The following DLGAP1 variants were observed in gnomAD, a reference collection of about 807,000 sequenced individuals.
The protein encoded by DLGAP1 is DLG associated protein 1.
A neutral mutation model predicts 90.8 loss-of-function variants in DLGAP1; 11 were observed. That is an observed-to-expected ratio of 0.12 (90% CI 0.08 to 0.20). The LOEUF (loss-of-function observed/expected upper bound fraction) is 0.20, where lower values mean the gene tolerates loss of function less well. DLGAP1 is among the 10% of genes least tolerant of loss of function. DLGAP1 has a pLI of 1.00. For synonymous variants in DLGAP1, 558 were observed against 540.7 expected (o/e 1.03, Z -0.44); for missense variants, 1,050 against 1,333.8 (o/e 0.79, Z 3.31).
intron 7 of DLGAP1, among the ~76,000 whole-genome samples, chr18:3,644,197 A>G (rs1487096532): frequency 6.6e-6 from 1 of 152,220 alleles, no homozygotes; most frequent in East Asian, 1.9e-4. Flanking sequence ...TGTGTGGAGC[A>G]GGAATCTCCT....
intron 4 of DLGAP1, among the ~76,000 whole-genome samples, chr18:3,833,501 C>T (rs1223013803): frequency 6.6e-6 from 1 of 152,172 alleles, no homozygotes; most frequent in Non-Finnish European, 1.5e-5. Context: ...TCCCAAAGTG[C>T]TGGGATTACA....
At chr18:4,079,712 AT>A (rs1298128249) in intron 2 of DLGAP1, among the ~76,000 whole-genome samples, 123 of 150,772 alleles carry the variant, frequency 8.2e-4, no homozygotes, top group African/African-American at 3.0e-3. Context: ...ATATATATAT[AT>A]AAAAGAAAAT....
At position 4,335,919 on chromosome 18, in the gene DLGAP1, T is replaced by A. The variant is rs76893951; in HGVS notation, c.-267+119087A>T. On this transcript the variant is annotated intron_variant, in intron 1 of 12. Coordinates refer to ENST00000315677, the MANE Select transcript of DLGAP1 (RefSeq NM_004746.4). ...ATTTAAAGTGTGCATATGAAATACATGCCATGAATTATTTGTGACATTTTT... is the reference window on the plus strand; with the variant it reads ...ATTTAAAGTGTGCATATGAAATACAAGCCATGAATTATTTGTGACATTTTT... Among the ~76,000 whole-genome samples the A allele has an allele frequency of 5.0e-3, 759 of 152,352 alleles. 2 individuals carry two copies. Among genetic ancestry groups the A allele is most frequent in the Non-Finnish European group, 7.9e-3 (535 of 68,036 alleles).
intron 1 of DLGAP1, among the ~76,000 whole-genome samples, chr18:4,403,879 G>T (rs1227981496): frequency 6.6e-6 from 1 of 152,172 alleles, no homozygotes; most frequent in Admixed American, 6.5e-5. Flanking sequence ...ATATCAAGAA[G>T]AAGAATTGGG....
intron 3 of DLGAP1, among the ~76,000 whole-genome samples, chr18:3,905,392 A>AAAAAAAAAAAAAAAAAAAAAAT (rs2071882297): frequency 7.0e-6 from 1 of 143,742 alleles, no homozygotes. Context: ...AAAAAAAAAA[A>AAAAAAAAAAAAAAAAAAAAAAT]GAAAAGAAAT....
chr18:4,249,557 A>G (rs1031512513), intron 1 of DLGAP1, among the ~76,000 whole-genome samples: 1 of 151,842 alleles, frequency 6.6e-6, no homozygotes, highest in Non-Finnish European at 1.5e-5. Context: ...CCGTTCAGTA[A>G]TGATGGATTT....
chr18:3,837,143 G>A (rs558035241), intron 4 of DLGAP1, among the ~76,000 whole-genome samples: 1 of 152,324 alleles, frequency 6.6e-6, no homozygotes, highest in South Asian at 2.1e-4. Flanking sequence ...TTCAAGATGT[G>A]TTTTCTATCT....
intron 2 of DLGAP1, among the ~76,000 whole-genome samples, chr18:4,053,712 C>A (rs1362732118): frequency 6.6e-6 from 1 of 152,102 alleles, no homozygotes; most frequent in African/African-American, 2.4e-5. Context: ...CCTGCAGAAC[C>A]GTGAGCCAAT....
intron 4 of DLGAP1, among the ~76,000 whole-genome samples, chr18:3,858,569 T>C (rs945949326): frequency 4.0e-5 from 6 of 151,492 alleles, no homozygotes; most frequent in Non-Finnish European, 4.4e-5. Flanking sequence ...AAACACCTGA[T>C]TGCAAATGTG....
intron 7 of DLGAP1, among the ~76,000 whole-genome samples, chr18:3,590,683 T>G (rs551956247): frequency 6.6e-6 from 1 of 152,170 alleles, no homozygotes; most frequent in East Asian, 1.9e-4. Flanking sequence ...GGTGAAACCC[T>G]GTCTCTACTA....
chr18:3,623,864 G>A (rs930906243), intron 7 of DLGAP1, among the ~76,000 whole-genome samples: 3 of 151,526 alleles, frequency 2.0e-5, no homozygotes, highest in East Asian at 1.9e-4. Context: ...CATCAGGGCA[G>A]CCTCCAGCCT....
intron 11 of DLGAP1, among the ~76,000 whole-genome samples, chr18:3,504,507 C>G (rs1376527466): frequency 1.3e-5 from 2 of 152,270 alleles, no homozygotes; most frequent in Admixed American, 1.3e-4. Context: ...GCCTCAGCCT[C>G]CTGAGTAACT....
intron 1 of DLGAP1, among the ~76,000 whole-genome samples, chr18:4,442,931 T>C (rs1466809172): frequency 1.3e-5 from 2 of 152,226 alleles, no homozygotes; most frequent in African/African-American, 4.8e-5. Context: ...GCACCTAGAA[T>C]AGTGCTTGGC....
At position 4,124,988 on chromosome 18, in the gene DLGAP1, T is replaced by C. The variant is rs183376808; in HGVS notation, c.-159+26192A>G. Among the ~76,000 whole-genome samples the C allele has an allele frequency of 2.0e-5, 3 of 152,180 alleles. No homozygotes were observed. In the East Asian group the frequency reaches 5.8e-4, roughly 29 times the overall value. Reference sequence around the variant, plus strand: ...TCGAGCATGGCAAGCAAGCATGGGGTCCAGGTTGGTGGGCAAATGTCATAG... The same window carrying C: ...TCGAGCATGGCAAGCAAGCATGGGGCCCAGGTTGGTGGGCAAATGTCATAG... On this transcript the variant is annotated intron_variant, in intron 2 of 12. Coordinates refer to ENST00000315677, the MANE Select transcript of DLGAP1 (RefSeq NM_004746.4).
At chr18:4,266,109 G>T (rs1433667741) in intron 1 of DLGAP1, among the ~76,000 whole-genome samples, 1 of 152,102 alleles carries the variant, frequency 6.6e-6, no homozygotes, top group African/African-American at 2.4e-5. Flanking sequence ...ATACACAAAA[G>T]ATCATTTTGA....
intron 1 of DLGAP1, among the ~76,000 whole-genome samples, chr18:4,176,000 C>G (rs1263446434): frequency 6.6e-6 from 1 of 152,160 alleles, no homozygotes; most frequent in African/African-American, 2.4e-5. Context: ...AGTATTTAAT[C>G]TATAAATTAC....
chr18:3,643,438 C>T (rs764527185), intron 7 of DLGAP1, among the ~76,000 whole-genome samples: 10 of 151,872 alleles, frequency 6.6e-5, no homozygotes, highest in Admixed American at 2.0e-4. Context: ...CAGAGACGGG[C>T]GGATCACGAG....
intron 1 of DLGAP1, among the ~76,000 whole-genome samples, chr18:4,194,758 G>A (rs1260990613): frequency 2.6e-5 from 4 of 152,070 alleles, no homozygotes; most frequent in Admixed American, 2.0e-4. Context: ...ATTTAATAGA[G>A]TCTATAGGTG....
At chr18:3,500,052 C>G (rs2049848709) in intron 12 of DLGAP1, among the ~76,000 whole-genome samples, 1 of 152,068 alleles carries the variant, frequency 6.6e-6, no homozygotes, top group South Asian at 2.1e-4. Context: ...TTCCTACACT[C>G]GAGAGTTAAT....
Sources: gnomAD v4.1 joint callset for allele counts (sites outside exome capture counted in the v4.1 genomes callset) on GRCh38, gnomAD v4.1.1 for gene constraint, MANE v1.5 for transcripts, NCBI Gene and HGNC (gene_info 2026-07-23, HGNC 2026-07-21) for gene names.